The following KLHL32 variants were observed in gnomAD, a reference collection of about 807,000 sequenced individuals.
The protein encoded by KLHL32 is kelch like family member 32, also known as kelch-like protein 32.
In KLHL32, 35 loss-of-function variants were observed where a neutral mutation model predicts 64.8. The ratio of observed to expected loss-of-function variants is 0.54; its 90% confidence interval spans 0.41 to 0.72. The LOEUF is 0.72. Among genes scored for constraint, KLHL32 ranks in the 30% least tolerant of loss-of-function variants. The pLI is 0.00. For synonymous variants in KLHL32, 259 were observed against 281.0 expected, an observed-to-expected ratio of 0.92 and a Z score of 0.78; for missense variants, 589 against 768.5, an observed-to-expected ratio of 0.77 and a Z score of 2.76.
rs140600325 is a variant in KLHL32 at position 96,936,222 on chromosome 6, C to T, written c.-66+11196C>T. 3.9e-5 allele frequency among the ~76,000 whole-genome samples: 6 copies of T among 152,270 alleles called. No individual in the cohort carries two copies. In the East Asian group the frequency reaches 1.2e-3, roughly 29 times the overall value. On this transcript the variant is annotated intron_variant, in intron 1 of 10. Transcript: ENST00000369261. ...ACTAAGGATAAAGAATGCTAAGAAT[C>T]AGGATTTTAAATAGACATGTCTACA... is the stretch of plus-strand genomic sequence containing the variant.
chr6:97,068,006 A>G (rs1320492613), intron 5 of KLHL32, among the ~76,000 whole-genome samples: 1 of 56,014 alleles, frequency 1.8e-5, no homozygotes, highest in Non-Finnish European at 4.1e-5. Context: ...AAAACTTCAT[A>G]CAGACACACA....
rs369947593 is a variant in KLHL32 at position 97,009,763 on chromosome 6, T to A, written c.205-31729T>A. Among the ~76,000 whole-genome samples, 76 of 152,314 alleles carry A rather than the reference T, an allele frequency of 5.0e-4. 1 individual carries two copies. The highest frequency in any genetic ancestry group is 1.8e-3 in the African/African-American group (74 of 41,560). On this transcript the variant is annotated intron_variant, in intron 3 of 10. Coordinates refer to ENST00000369261, the MANE Select transcript of KLHL32 (RefSeq NM_052904.4). ...TCATACCTACTAAAGCATCAGACTG[T>A]TTCATATTTAAGAGCAGTTTAAAAA...
chr6:96,921,691 T>C (rs77784311), upstream of KLHL32, among the ~76,000 whole-genome samples: 1,171 of 152,310 alleles, frequency 7.7e-3, 17 homozygotes, highest in African/African-American at 0.026. Context: ...TATCAGGAAT[T>C]GAACAAAGAA....
chr6:97,082,828 A>G (rs1562317232), intron 5 of KLHL32, among the ~76,000 whole-genome samples: 1 of 151,946 alleles, frequency 6.6e-6, no homozygotes. Context: ...TATGGTTTTT[A>G]TTTTGGCCAC....
intron 3 of KLHL32, among the ~76,000 whole-genome samples, chr6:97,003,669 A>T (rs1325359655): frequency 6.6e-6 from 1 of 152,108 alleles, no homozygotes; most frequent in Admixed American, 6.5e-5. Context: ...TTTTTTGTAT[A>T]TACTGTAAGG....
At chr6:97,027,257 G>A (rs1782857912) in intron 3 of KLHL32, among the ~76,000 whole-genome samples, 2 of 151,938 alleles carry the variant, frequency 1.3e-5, no homozygotes, top group Admixed American at 6.6e-5. Context: ...GTACTTGTCT[G>A]CTCCTGGTCC....
chr6:96,905,125 A>G, the KLHL32 span, among the ~76,000 whole-genome samples: 1 of 152,204 alleles, frequency 6.6e-6, no homozygotes, highest in African/African-American at 2.4e-5. Context: ...AATCAATACA[A>G]CAGTTGTCCA....
intron 10 of KLHL32, among the ~76,000 whole-genome samples, chr6:97,133,288 C>G (rs1344283011): frequency 6.6e-6 from 1 of 152,164 alleles, no homozygotes; most frequent in Non-Finnish European, 1.5e-5. Context: ...GGGCAAGTTG[C>G]CAGCTGGGCC....
chr6:97,110,542 G>C (rs1238176643), intron 6 of KLHL32, among the ~76,000 whole-genome samples: 1 of 152,168 alleles, frequency 6.6e-6, no homozygotes, highest in Non-Finnish European at 1.5e-5. Context: ...AGAGAGTTTA[G>C]TGATTCTTTT....
intron 4 of KLHL32, chr6:97,062,319 A>G (rs1789039583): frequency 6.6e-6 from 1 of 152,158 alleles, no homozygotes; most frequent in African/African-American, 2.4e-5. Flanking sequence ...TCTATTCCCC[A>G]TTCTCCTCCT....
At chr6:96,985,983 T>C (rs1057209821) in intron 3 of KLHL32, among the ~76,000 whole-genome samples, 89 of 152,206 alleles carry the variant, frequency 5.8e-4, no homozygotes, top group Non-Finnish European at 1.6e-4. Flanking sequence ...CTGCTCTGTT[T>C]TTTCCCTATC....
intron 3 of KLHL32, among the ~76,000 whole-genome samples, chr6:97,016,749 C>G (rs1428179016): frequency 6.6e-6 from 1 of 152,112 alleles, no homozygotes; most frequent in Non-Finnish European, 1.5e-5. Context: ...GTGTCCCCAG[C>G]CAAATCTCAT....
chr6:97,109,600 G>A (rs1167160086), intron 6 of KLHL32, among the ~76,000 whole-genome samples: 2 of 152,176 alleles, frequency 1.3e-5, no homozygotes, highest in African/African-American at 2.4e-5. Context: ...TGCTTCTCAC[G>A]CAGTTAGTAA....
intron 3 of KLHL32, among the ~76,000 whole-genome samples, chr6:97,029,973 G>T (rs1036739781): frequency 3.3e-5 from 5 of 152,166 alleles, no homozygotes; most frequent in African/African-American, 1.2e-4. Context: ...ATTGCGAGTT[G>T]CTCTTTTCAA....
At chr6:97,067,011 T>G (rs1370455596) in intron 5 of KLHL32, among the ~76,000 whole-genome samples, 3 of 152,204 alleles carry the variant, frequency 2.0e-5, no homozygotes, top group Non-Finnish European at 2.9e-5. Flanking sequence ...AACCGCTCTC[T>G]TCACTAAGAT....
intron 5 of KLHL32, among the ~76,000 whole-genome samples, chr6:97,084,617 G>A (rs1410448309): frequency 1.3e-5 from 2 of 152,178 alleles, no homozygotes; most frequent in African/African-American, 4.8e-5. Flanking sequence ...CTGGATTTTA[G>A]TTAAGACAGG....
intron 3 of KLHL32, among the ~76,000 whole-genome samples, chr6:97,011,935 TC>T (rs35681235): frequency 1.3e-5 from 2 of 152,304 alleles, no homozygotes; most frequent in African/African-American, 4.8e-5. Flanking sequence ...CTTTGTTTAA[TC>T]CCCCCAATAA....
chr6:96,958,079 A>G (rs1239555895), intron 1 of KLHL32, among the ~76,000 whole-genome samples: 1 of 152,092 alleles, frequency 6.6e-6, no homozygotes, highest in African/African-American at 2.4e-5. Context: ...CAGATAATTT[A>G]TCATCCAAAC....
the KLHL32 span, among the ~76,000 whole-genome samples, chr6:96,898,989 A>G: frequency 6.6e-6 from 1 of 152,222 alleles, no homozygotes. Flanking sequence ...AGATAATCGA[A>G]TAGAATAATA....
Sources: allele counts gnomAD v4.1 joint callset (sites outside exome capture counted in the v4.1 genomes callset), GRCh38; gene constraint gnomAD v4.1.1; transcripts MANE v1.5; gene names NCBI Gene and HGNC (gene_info 2026-07-23, HGNC 2026-07-21).